The following PKIB variants were observed in gnomAD, a reference collection of about 807,000 sequenced individuals.
PKIB encodes cAMP-dependent protein kinase inhibitor beta.
PKIB carries 2 observed loss-of-function variants against 4.5 expected under a neutral mutation model. The ratio of observed to expected loss-of-function variants is 0.44; its 90% CI spans 0.18 to 1.39. The LOEUF (loss-of-function observed/expected upper bound fraction) is 1.39, where lower values mean the gene tolerates loss of function less well. PKIB is among the 40% of genes most tolerant of loss of function. PKIB has a pLI of 0.27. For synonymous variants in PKIB, 38 were observed against 36.0 expected (o/e 1.06, Z -0.20); for missense variants, 94 against 92.6 (o/e 1.02, Z -0.06).
At chr6:122,588,164 A>G (rs12202758) in intron 3 of PKIB, among the ~76,000 whole-genome samples, 46,638 of 152,016 alleles carry the variant, frequency 0.31, 8,364 homozygotes, top group Non-Finnish European at 0.42. Flanking sequence ...TAGGGCTGAT[A>G]TTTAAGTCTT....
chr6:122,668,806 T>C (rs2114937011), intron 2 of PKIB, among the ~76,000 whole-genome samples: 1 of 152,366 alleles, frequency 6.6e-6, no homozygotes, highest in South Asian at 2.1e-4. Context: ...GGCTTCTATG[T>C]TGCCAACTTT....
At chr6:122,670,604 T>C (rs1057127547) in intron 2 of PKIB, among the ~76,000 whole-genome samples, 1 of 152,182 alleles carries the variant, frequency 6.6e-6, no homozygotes, top group Admixed American at 6.5e-5. Flanking sequence ...CTGGTCCTAG[T>C]ATACCTGTTG....
At chr6:122,593,427 G>C (rs1333438330) in intron 3 of PKIB, among the ~76,000 whole-genome samples, 1 of 152,166 alleles carries the variant, frequency 6.6e-6, no homozygotes, top group Non-Finnish European at 1.5e-5. Context: ...AAGTCATTAA[G>C]TTAATGTAAA....
At chr6:122,660,478 A>G (rs1776941390) in intron 2 of PKIB, among the ~76,000 whole-genome samples, 1 of 152,160 alleles carries the variant, frequency 6.6e-6, no homozygotes, top group South Asian at 2.1e-4. Context: ...TCTCTTACAG[A>G]CTAAACCACA....
At chr6:122,689,291 T>G (rs950600681) in intron 3 of PKIB, among the ~76,000 whole-genome samples, 1 of 152,178 alleles carries the variant, frequency 6.6e-6, no homozygotes, top group African/African-American at 2.4e-5. Context: ...TTATTTCTTT[T>G]CTTCTACTAA....
chr6:122,568,128 A>G (rs939145575), intron 2 of PKIB, among the ~76,000 whole-genome samples: 10 of 152,176 alleles, frequency 6.6e-5, no homozygotes, highest in Non-Finnish European at 1.5e-4. Context: ...TATCACAAAC[A>G]ACATTGCATT....
At chr6:122,707,164 TTTTC>T (rs1388394920) in intron 3 of PKIB, among the ~76,000 whole-genome samples, 2 of 152,072 alleles carry the variant, frequency 1.3e-5, no homozygotes, top group East Asian at 1.9e-4. Flanking sequence ...ATTAGATGAT[TTTTC>T]TTTCTAAAGT....
At chr6:122,521,602 C>T (rs1776950068) in intron 2 of PKIB, among the ~76,000 whole-genome samples, 1 of 152,076 alleles carries the variant, frequency 6.6e-6, no homozygotes, top group African/African-American at 2.4e-5. Context: ...ATGGCATGAA[C>T]ACAGGAGGCG....
chr6:122,522,885 T>C (rs1776987370), intron 2 of PKIB, among the ~76,000 whole-genome samples: 1 of 152,240 alleles, frequency 6.6e-6, no homozygotes, highest in Non-Finnish European at 1.5e-5. Context: ...AGCATTTTTA[T>C]ATTATAGAAT....
chr6:122,674,625 A>T (rs187454700), intron 2 of PKIB, among the ~76,000 whole-genome samples: 2 of 152,312 alleles, frequency 1.3e-5, no homozygotes, highest in Admixed American at 6.5e-5. Context: ...AATGCCTTAG[A>T]ATACTTATGG....
chr6:122,525,583 G>A (rs1777071884), intron 2 of PKIB, among the ~76,000 whole-genome samples: 1 of 152,116 alleles, frequency 6.6e-6, no homozygotes, highest in Non-Finnish European at 1.5e-5. Flanking sequence ...TGGTTTCACA[G>A]CACATATGTT....
intron 2 of PKIB, among the ~76,000 whole-genome samples, chr6:122,659,229 A>G (rs1776891623): frequency 6.6e-6 from 1 of 152,182 alleles, no homozygotes; most frequent in South Asian, 2.1e-4. Context: ...GAGGCTTTAT[A>G]TACATATAAA....
intron 2 of PKIB, among the ~76,000 whole-genome samples, chr6:122,553,478 C>CTTTTTTT (rs1562249215): frequency 2.0e-5 from 1 of 48,928 alleles, no homozygotes; most frequent in Non-Finnish European, 3.5e-5. Context: ...GCTCAAATAT[C>CTTTTTTT]TTCTTTTTTT....
In PKIB at chr6:122,658,179, ATAAT is replaced by A. The variant is rs1342006417; in HGVS notation, c.-75-16893_-75-16890del. Among the ~76,000 whole-genome samples, 39 of 152,192 alleles carry A rather than the reference ATAAT, an allele frequency of 2.6e-4. 1 individual carries two copies. Among genetic ancestry groups the A allele is most frequent in the Admixed American group, 2.3e-3 (35 of 15,274 alleles). On this transcript the variant is annotated intron_variant, in intron 2 of 4. Coordinates refer to ENST00000368452, the MANE Select transcript of PKIB (RefSeq NM_181795.3). ...AGATTGGTTTTGTGCTGGTTCTGGA[ATAAT>A]TAATTGAAAATATTAGACATAACTT...
intron 2 of PKIB, among the ~76,000 whole-genome samples, chr6:122,548,846 AAAG>A (rs1562247564): frequency 1.3e-5 from 2 of 152,340 alleles, no homozygotes; most frequent in South Asian, 4.1e-4. Flanking sequence ...ATTTAAAGAA[AAAG>A]AAGAAATACT....
chr6:122,528,332 T>G (rs1177402979), intron 2 of PKIB, among the ~76,000 whole-genome samples: 5 of 152,202 alleles, frequency 3.3e-5, no homozygotes, highest in Non-Finnish European at 1.5e-5. Flanking sequence ...CTATGTTTTT[T>G]ATCCATTCAG....
At chr6:122,722,950 G>C (rs1359446051) in intron 4 of PKIB, among the ~76,000 whole-genome samples, 1 of 152,084 alleles carries the variant, frequency 6.6e-6, no homozygotes, top group Admixed American at 6.6e-5. Context: ...AACACCAGTG[G>C]TTCATTCTTA....
chr6:122,600,061 A>C (rs1424035685), intron 3 of PKIB, among the ~76,000 whole-genome samples: 1 of 151,970 alleles, frequency 6.6e-6, no homozygotes, highest in Non-Finnish European at 1.5e-5. Flanking sequence ...AGGGGAGTTT[A>C]TTAAGTATTA....
chr6:122,541,240 T>G (rs1460756928), intron 2 of PKIB, among the ~76,000 whole-genome samples: 4 of 152,122 alleles, frequency 2.6e-5, no homozygotes, highest in African/African-American at 9.7e-5. Context: ...GTTAGCTGGT[T>G]ATTTTGCTCA....
Sources: gnomAD v4.1 joint callset for allele counts (sites outside exome capture counted in the v4.1 genomes callset) on GRCh38, gnomAD v4.1.1 for gene constraint, MANE v1.5 for transcripts, NCBI Gene and HGNC (gene_info 2026-07-23, HGNC 2026-07-21) for gene names.